Variants in GPC5 observed in about 807,000 individuals in gnomAD.
GPC5 encodes glypican-5.
A neutral mutation model predicts 53.9 loss-of-function variants in GPC5; 47 were observed. The observed-to-expected ratio is 0.87, with a 90% CI of 0.69 to 1.11. The LOEUF is 1.11. Ranked by LOEUF, GPC5 falls within the 50% of genes most tolerant of loss-of-function variation. The pLI is 0.00. For synonymous variants in GPC5, 286 were observed against 263.3 expected, an observed-to-expected ratio of 1.09 and a Z score of -0.84; for missense variants, 748 against 713.1, an observed-to-expected ratio of 1.05 and a Z score of -0.56.
Position 92,114,329 on chromosome 13 carries a change from A to G in GPC5, c.1402-30501A>G, listed in dbSNP as rs181212812. ...CACACAGGCACACACACATACTCAC[A>G]TGCAGAACGTTACTTCAGACCTTCA... On this transcript the variant is annotated intron_variant, in intron 6 of 7. Transcript: ENST00000377067. Among the ~76,000 whole-genome samples, 674 of 152,218 alleles carry G rather than the reference A, an allele frequency of 4.4e-3. 3 individuals carry two copies. The highest frequency in any genetic ancestry group is 0.024 in the Middle Eastern group (7 of 294).
chr13:92,350,872 A>C (rs9523640), intron 7 of GPC5, among the ~76,000 whole-genome samples: 16,333 of 152,196 alleles, frequency 0.11, 958 homozygotes, highest in Middle Eastern at 0.15. Flanking sequence ...ACAATAAGTC[A>C]CTTATAAAGG....
rs1307062395 is a variant in GPC5, at chr13:92,577,795, A to G, written c.1562-288487A>G. Among the ~76,000 whole-genome samples, 15 of 152,332 alleles carry G rather than the reference A, an allele frequency of 9.8e-5. No homozygotes were observed. In the East Asian group the frequency reaches 2.9e-3, roughly 29 times the overall value. On this transcript the variant is annotated intron_variant, in intron 7 of 7. Transcript: ENST00000377067. ...GTTTACAGAAGAAAAAGTAAATAGC[A>G]TAAGAAACAGAGACTATGCAAGAGA...
At chr13:92,755,015 A>G (rs1874793073) in intron 7 of GPC5, among the ~76,000 whole-genome samples, 2 of 152,138 alleles carry the variant, frequency 1.3e-5, no homozygotes, top group Admixed American at 1.3e-4. Context: ...ACCCCAAATC[A>G]ACAGAATATA....
rs565067913 is a variant in GPC5, at chr13:91,644,569, G to A, written c.326-48618G>A. ...TGGTAGCCTTTTATTTCTTGCATTC[G>A]CATCCTTTACTAATCAATATCTATA... On this transcript the variant is annotated intron_variant, in intron 2 of 7. Transcript: ENST00000377067. 4.6e-5 allele frequency among the ~76,000 whole-genome samples: 7 copies of A among 151,772 alleles called. No homozygotes were observed. In the South Asian group the frequency reaches 6.2e-4, roughly 14 times the overall value.
At chr13:92,637,173 A>C (rs1885435717) in intron 7 of GPC5, among the ~76,000 whole-genome samples, 2 of 152,158 alleles carry the variant, frequency 1.3e-5, no homozygotes, top group Non-Finnish European at 2.9e-5. Flanking sequence ...TTCCTGACAA[A>C]AATGATTTTT....
intron 2 of GPC5, among the ~76,000 whole-genome samples, chr13:91,473,136 C>G (rs2139186536): frequency 6.6e-6 from 1 of 152,200 alleles, no homozygotes; most frequent in East Asian, 1.9e-4. Flanking sequence ...ACTTATAAAA[C>G]AATCAAATCT....
Position 91,456,433 on chromosome 13 carries a change from A to G in GPC5, c.325+7511A>G, listed in dbSNP as rs1213642564. Among the ~76,000 whole-genome samples the G allele has an allele frequency of 1.5e-4, 23 of 152,084 alleles. No homozygotes were observed. In the East Asian group the frequency reaches 4.4e-3, roughly 29 times the overall value. ...ATTAGCTTCTTTTAAAAGAGAACCA[A>G]TTTATCTTAGGAATGTTTGCTTTTA... is the stretch of plus-strand genomic sequence containing the variant. On this transcript the variant is annotated intron_variant, in intron 2 of 7. Coordinates refer to ENST00000377067, the MANE Select transcript of GPC5 (RefSeq NM_004466.6).
At chr13:92,865,320 T>C (rs1302431132) in intron 7 of GPC5, among the ~76,000 whole-genome samples, 1 of 152,172 alleles carries the variant, frequency 6.6e-6, no homozygotes, top group Non-Finnish European at 1.5e-5. Context: ...GATAGATATC[T>C]ACACCTCCAT....
rs1566302783 is a variant in GPC5 at position 92,579,294 on chromosome 13, T to TCC, written c.1562-286987_1562-286986insCC. ...CCCTCCCTCTCTCTCTCTCTCTCTC[T>TCC]CTCTCTCCCTCCCTCCCTCCCTCCC... is the stretch of plus-strand genomic sequence containing the variant. On this transcript the variant is annotated intron_variant, in intron 7 of 7. Coordinates refer to ENST00000377067, the MANE Select transcript of GPC5 (RefSeq NM_004466.6). Among the ~76,000 whole-genome samples, 11 of 64,722 alleles carry TCC rather than the reference T, an allele frequency of 1.7e-4. 1 individual carries two copies. The highest frequency in any genetic ancestry group is 2.4e-4 in the Non-Finnish European group (9 of 37,596). The allele number at this position is 64,722 out of a possible 152,430, so 42.5% of individuals were successfully genotyped here. A position where few individuals can be genotyped will look rare whatever the true frequency, so the allele number is the denominator to read the frequency against.
At chr13:92,637,043 A>T (rs2139142457) in intron 7 of GPC5, among the ~76,000 whole-genome samples, 1 of 152,252 alleles carries the variant, frequency 6.6e-6, no homozygotes, top group South Asian at 2.1e-4. Flanking sequence ...CAAAAAGAGC[A>T]GTTTAATCCA....
chr13:92,472,072 A>T (rs980511186), intron 7 of GPC5, among the ~76,000 whole-genome samples: 2 of 152,142 alleles, frequency 1.3e-5, no homozygotes, highest in Non-Finnish European at 2.9e-5. Flanking sequence ...AGGTACATGT[A>T]TGAATGGAAG....
intron 7 of GPC5, among the ~76,000 whole-genome samples, chr13:92,173,837 A>G (rs1369756735): frequency 1.3e-5 from 2 of 152,188 alleles, no homozygotes. Flanking sequence ...CAGGCTTGGT[A>G]GCACACACCT....
chr13:91,534,404 T>A (rs1999762), intron 2 of GPC5, among the ~76,000 whole-genome samples: 139,114 of 152,270 alleles, frequency 0.91, 63,764 homozygotes, highest in East Asian at 1. Context: ...CAGTTTTCAC[T>A]TCTGTAAAAG....
At chr13:92,378,478 A>G (rs1438798211) in intron 7 of GPC5, among the ~76,000 whole-genome samples, 1 of 152,166 alleles carries the variant, frequency 6.6e-6, no homozygotes, top group Non-Finnish European at 1.5e-5. Flanking sequence ...CTTTAGCCCA[A>G]CTTGAGGTTA....
intron 7 of GPC5, among the ~76,000 whole-genome samples, chr13:92,825,893 A>G (rs529407249): frequency 6.6e-6 from 1 of 152,146 alleles, no homozygotes; most frequent in Non-Finnish European, 1.5e-5. Flanking sequence ...TGATGCTACA[A>G]ATACATAAAA....
intron 6 of GPC5, among the ~76,000 whole-genome samples, chr13:92,069,937 G>GT (rs1341188531): frequency 6.6e-6 from 1 of 152,108 alleles, no homozygotes; most frequent in Non-Finnish European, 1.5e-5. Flanking sequence ...TGAATATGCT[G>GT]TATTACCTGA....
In GPC5 at chr13:92,631,791, C is replaced by T. The variant is rs1030239946; in HGVS notation, c.1562-234491C>T. ...CACAAGTGCAAAATTCTCACCTAAC[C>T]TCATGCGATGTATCACAGCCAAAGC... On this transcript the variant is annotated intron_variant, in intron 7 of 7. Transcript: ENST00000377067. 2.6e-5 allele frequency among the ~76,000 whole-genome samples: 4 copies of T among 152,262 alleles called. No homozygotes were observed. The East Asian group carries it at 7.7e-4, about 29-fold the overall frequency.
intron 7 of GPC5, among the ~76,000 whole-genome samples, chr13:92,513,625 G>C (rs918053352): frequency 6.7e-6 from 1 of 148,720 alleles, no homozygotes; most frequent in Non-Finnish European, 1.5e-5. Context: ...TCAATAAATG[G>C]TTTTACAGGT....
At chr13:91,875,459 G>A (rs1430874237) in intron 5 of GPC5, among the ~76,000 whole-genome samples, 3 of 152,202 alleles carry the variant, frequency 2.0e-5, no homozygotes, top group African/African-American at 7.2e-5. Flanking sequence ...GAAAAGTTCA[G>A]ATTGTATTGG....
Sources: gnomAD v4.1 joint callset for allele counts (sites outside exome capture counted in the v4.1 genomes callset) on GRCh38, gnomAD v4.1.1 for gene constraint, MANE v1.5 for transcripts, NCBI Gene and HGNC (gene_info 2026-07-23, HGNC 2026-07-21) for gene names.